Variants in KDM7A observed in about 807,000 individuals in gnomAD.
The protein encoded by KDM7A is lysine-specific demethylase 7A.
A neutral mutation model predicts 114.8 loss-of-function variants in KDM7A; 28 were observed. That is an observed-to-expected ratio of 0.24 (90% CI 0.18 to 0.33). KDM7A has a LOEUF of 0.33. Among genes scored for constraint, KDM7A ranks in the 10% least tolerant of loss-of-function variants. The pLI, the probability that KDM7A is intolerant of heterozygous loss-of-function variation, is 1.00. For missense variants in KDM7A, 942 were observed against 1,142.5 expected, an observed-to-expected ratio of 0.82 and a Z score of 2.53; for synonymous variants, 423 against 397.8, an observed-to-expected ratio of 1.06 and a Z score of -0.75.
chr7:140,163,202 G>A lies in KDM7A; in HGVS notation c.194+13542C>T, dbSNP rs149620065. Among the ~76,000 whole-genome samples, 932 of 152,130 alleles carry A rather than the reference G, an allele frequency of 6.1e-3. 19 individuals carry two copies. Among genetic ancestry groups the A allele is most frequent in the African/African-American group, 0.021 (852 of 41,472 alleles). The stretch of plus-strand genomic sequence containing the variant: ...GTAGAGACGGGGTTTCACCGTGTTA[G>A]CCAGAATGATCTCAATCTCCTGACC... On this transcript the variant is annotated intron_variant, in intron 1 of 19. Transcript: ENST00000397560.
In KDM7A at chr7:140,143,102, C is replaced by T. The variant is rs1055289259; in HGVS notation, c.195-3912G>A. On this transcript the variant is annotated intron_variant, in intron 1 of 19. Transcript: ENST00000397560. ...GGCTGAGGCAGGAGAACGGCATGAA[C>T]TCGGGAGGCGGAGCTTGCAGTGAGC... Among the ~76,000 whole-genome samples, 20 of 150,684 alleles carry T rather than the reference C, an allele frequency of 1.3e-4. No homozygotes were observed. The East Asian group carries it at 3.3e-3, about 25-fold the overall frequency.
At position 140,096,911 on chromosome 7, in the gene KDM7A, A is replaced by C; in HGVS notation, c.2153T>G (p.Ile718Ser). The change falls in exon 16 of 20, where the codon ATT (isoleucine) becomes AGT (serine). Residue 718 changes from isoleucine to serine, a missense_variant. Coordinates refer to ENST00000397560, the MANE Select transcript of KDM7A (RefSeq NM_030647.2). ...TCAGCAAGCCTACCTTTTAATTGGA[A>C]TTTCACTTCTAGATGGCTTCTGGCT... The part of the protein sequence containing the change: ...QKSQKPSRSE[I>S]PIKRECPTST... The C allele has an allele frequency of 6.2e-7, 1 of 1,613,860 alleles. No homozygotes were observed. Among genetic ancestry groups the C allele is most frequent in the East Asian group, 2.2e-5 (1 of 44,852 alleles).
chr7:140,130,403 C>A (rs138501817), intron 3 of KDM7A, among the ~76,000 whole-genome samples: 2,185 of 152,054 alleles, frequency 0.014, 33 homozygotes, highest in Non-Finnish European at 0.019. Flanking sequence ...AGTGGATCAC[C>A]TGAGGTCAGG....
At chr7:140,118,472 G>A (rs1353287393) in intron 9 of KDM7A, among the ~76,000 whole-genome samples, 5 of 151,874 alleles carry the variant, frequency 3.3e-5, no homozygotes, top group Admixed American at 3.3e-4. Context: ...CATGATCTCG[G>A]CTCAATGCAA....
rs200503842 is a variant in KDM7A at position 140,111,130 on chromosome 7, T to C, written c.1393A>G (p.Ile465Val). The C allele has an allele frequency of 2.6e-3, 4,124 of 1,605,708 alleles. 12 individuals are homozygous for C. The highest frequency in any genetic ancestry group is 3.2e-3 in the Non-Finnish European group (3,780 of 1,173,506). The part of the protein sequence containing the change: ...IPDNVRPGHL[I>V]KELSKVIRAI... ...CGAATTACTTTAGAAAGTTCTTTAA[T>C]AAGGTGTCCAGGTCTAACATTGTCT... Residue 465 changes from isoleucine to valine, a missense_variant, in exon 11 of 20, where the codon ATT becomes GTT. Coordinates refer to ENST00000397560, the MANE Select transcript of KDM7A (RefSeq NM_030647.2).
intron 18 of KDM7A, among the ~76,000 whole-genome samples, chr7:140,092,301 G>C (rs924366612): frequency 4.6e-5 from 7 of 152,184 alleles, no homozygotes; most frequent in Admixed American, 3.9e-4. Flanking sequence ...AGGCGAAAGA[G>C]AGAGTGAGAG....
chr7:140,172,046 G>T (rs1173798890), intron 1 of KDM7A, among the ~76,000 whole-genome samples: 1 of 152,116 alleles, frequency 6.6e-6, no homozygotes, highest in Non-Finnish European at 1.5e-5. Context: ...TGTTTTGGTA[G>T]GGGCTGGTTA....
chr7:140,097,658 A>C lies in KDM7A; in HGVS notation c.1919-16T>G. On this transcript the variant is annotated splice_polypyrimidine_tract_variant and intron_variant, in intron 14 of 19. Transcript: ENST00000397560. ...GTAAAAAACCCTGAAAAAGAATGAA[A>C]GGATGAGAAAAAGAGAAAGTCATTT... 1.4e-6 allele frequency: 2 copies of C among 1,416,972 alleles called. No homozygotes were observed. Among genetic ancestry groups the C allele is most frequent in the Non-Finnish European group, 2.0e-6 (2 of 1,002,488 alleles). The allele number at this position is 1,416,972 out of a possible 1,614,324, so 87.8% of individuals were successfully genotyped here.
intron 11 of KDM7A, among the ~76,000 whole-genome samples, chr7:140,102,848 T>C (rs568341692): frequency 6.6e-6 from 1 of 152,364 alleles, no homozygotes; most frequent in East Asian, 1.9e-4. Context: ...TATACATCTA[T>C]GTAGTTTTAA....
chr7:140,144,451 A>C (rs953080869), intron 1 of KDM7A, among the ~76,000 whole-genome samples: 1 of 152,166 alleles, frequency 6.6e-6, no homozygotes, highest in Non-Finnish European at 1.5e-5. Flanking sequence ...ATGGGTTTTG[A>C]GATCTGACAC....
In KDM7A at chr7:140,090,973, C is replaced by G. The variant is rs1436468571; in HGVS notation, c.*121G>C. 1.4e-6 allele frequency: 1 copy of G among 696,644 alleles called. No homozygotes were observed. Among genetic ancestry groups the G allele is most frequent in the Non-Finnish European group, 2.6e-6 (1 of 387,954 alleles). 43.2% of individuals were successfully genotyped at this position (696,644 alleles called of 1,614,324 possible). On this transcript the variant is annotated 3_prime_UTR_variant, in exon 20 of 20. Coordinates refer to ENST00000397560, the MANE Select transcript of KDM7A (RefSeq NM_030647.2). The stretch of plus-strand genomic sequence containing the variant: ...AATGCAGCATCAGGTTCATTCTGTT[C>G]TTCGGGCAGTGTTCTTACTATACAC...
rs551055377 is a variant in KDM7A, at chr7:140,154,894, A to T, written c.195-15704T>A. 1.7e-4 allele frequency among the ~76,000 whole-genome samples: 26 copies of T among 152,318 alleles called. No homozygotes were observed. In the East Asian group the frequency reaches 4.1e-3, roughly 24 times the overall value. On this transcript the variant is annotated intron_variant, in intron 1 of 19. Coordinates refer to ENST00000397560, the MANE Select transcript of KDM7A (RefSeq NM_030647.2). Reference sequence around the variant, plus strand: ...TATAAGTGTTACAACTTTATGATTTAAATTTACAAAATTAAAACATTTTTA... The same window carrying T: ...TATAAGTGTTACAACTTTATGATTTTAATTTACAAAATTAAAACATTTTTA...
At chr7:140,153,093 C>T (rs546961202) in intron 1 of KDM7A, among the ~76,000 whole-genome samples, 182 of 151,954 alleles carry the variant, frequency 1.2e-3, no homozygotes, top group African/African-American at 3.5e-3. Context: ...CTCCTGACCT[C>T]GTGATCCGCC....
intron 9 of KDM7A, among the ~76,000 whole-genome samples, chr7:140,117,889 A>G (rs1392654120): frequency 1.3e-5 from 2 of 152,212 alleles, no homozygotes; most frequent in South Asian, 4.1e-4. Flanking sequence ...CTTCTCATGC[A>G]TGGGATTCTA....
At chr7:140,172,029 TTTTG>T (rs1403493275) in intron 1 of KDM7A, among the ~76,000 whole-genome samples, 2 of 152,140 alleles carry the variant, frequency 1.3e-5, no homozygotes, top group Admixed American at 6.6e-5. Context: ...GATTAACAGT[TTTTG>T]TTTGTTTTGG....
intron 18 of KDM7A, among the ~76,000 whole-genome samples, chr7:140,093,267 G>A (rs1243315441): frequency 2.0e-5 from 3 of 152,052 alleles, no homozygotes; most frequent in Non-Finnish European, 2.9e-5. Context: ...GAGGTCTTTC[G>A]GTGCCATGTG....
At chr7:140,163,320 C>T (rs1036714539) in intron 1 of KDM7A, among the ~76,000 whole-genome samples, 2 of 151,184 alleles carry the variant, frequency 1.3e-5, no homozygotes, top group African/African-American at 4.9e-5. Flanking sequence ...GACAGTCTTG[C>T]TCTATCACCC....
intron 4 of KDM7A, among the ~76,000 whole-genome samples, chr7:140,127,937 T>A (rs1260548230): frequency 6.6e-6 from 1 of 152,182 alleles, no homozygotes; most frequent in Admixed American, 6.5e-5. Context: ...CAACACTGTC[T>A]GGATTTCAGT....
Position 140,094,149 on chromosome 7 carries a change from GT to G in KDM7A, c.2375-12del. ...TCTTGACATGGTATCCTAAAGAGAA[GT>G]TTTAGTTTAATTAACTTTGCACAAA... On this transcript the variant is annotated splice_polypyrimidine_tract_variant and intron_variant, in intron 17 of 19. Coordinates refer to ENST00000397560, the MANE Select transcript of KDM7A (RefSeq NM_030647.2). 1 of 1,511,502 alleles carries G rather than the reference GT, an allele frequency of 6.6e-7. No individual in the cohort carries two copies. The highest frequency in any genetic ancestry group is 9.2e-7 in the Non-Finnish European group (1 of 1,086,678). The allele number at this position is 1,511,502 out of a possible 1,614,324, so 93.6% of individuals were successfully genotyped here.
Sources: allele counts gnomAD v4.1 joint callset (sites outside exome capture counted in the v4.1 genomes callset), GRCh38; gene constraint gnomAD v4.1.1; transcripts MANE v1.5; gene names NCBI Gene and HGNC (gene_info 2026-07-23, HGNC 2026-07-21).